Variants in RARB observed in about 807,000 individuals in gnomAD.
RARB encodes the protein retinoic acid receptor beta, also known as HBV-activated protein.
RARB carries 17 observed loss-of-function variants against 51.9 expected under a neutral mutation model. The observed-to-expected ratio is 0.33, with a 90% CI of 0.22 to 0.49. RARB has a LOEUF of 0.49. Among genes scored for constraint, RARB ranks in the 20% least tolerant of loss-of-function variants. The pLI is 0.99. For missense variants in RARB, 369 were observed against 550.8 expected, an observed-to-expected ratio of 0.67 and a Z score of 3.30; for synonymous variants, 215 against 195.4, an observed-to-expected ratio of 1.10 and a Z score of -0.84.
At chr3:25,304,630 G>T (rs529066668) in intron 5 of RARB, among the ~76,000 whole-genome samples, 1 of 152,004 alleles carries the variant, frequency 6.6e-6, no homozygotes, top group Non-Finnish European at 1.5e-5. Flanking sequence ...TCTAACCACT[G>T]ATTCCGACTT....
At chr3:25,496,172 C>T (rs1194377876) in intron 2 of RARB, among the ~76,000 whole-genome samples, 1 of 152,234 alleles carries the variant, frequency 6.6e-6, no homozygotes, top group Non-Finnish European at 1.5e-5. Context: ...TTACAATTGA[C>T]TAACAGTTGT....
chr3:25,352,197 C>G (rs1705594239), intron 5 of RARB: 2 of 152,100 alleles, frequency 1.3e-5, no homozygotes, highest in Admixed American at 6.6e-5. Context: ...CCTTTTTCAT[C>G]ACCCCAGCCT....
chr3:25,200,216 T>G (rs888325650), intron 5 of RARB, among the ~76,000 whole-genome samples: 40 of 152,240 alleles, frequency 2.6e-4, no homozygotes, highest in Admixed American at 2.0e-3. Flanking sequence ...GCATTGTTTC[T>G]TGTGTCTTTT....
At chr3:25,420,636 T>C (rs1028902640) in intron 5 of RARB, among the ~76,000 whole-genome samples, 3 of 152,184 alleles carry the variant, frequency 2.0e-5, no homozygotes, top group African/African-American at 7.2e-5. Flanking sequence ...CACTGCCTTA[T>C]ATATTGTCTG....
intron 1 of RARB, among the ~76,000 whole-genome samples, chr3:25,432,124 C>T (rs1708234320): frequency 6.6e-6 from 1 of 152,066 alleles, no homozygotes; most frequent in South Asian, 2.1e-4. Context: ...AGGGACTTTT[C>T]CTTAAATCGC....
At chr3:24,950,720 A>AT (rs1324488347) in intron 2 of RARB, among the ~76,000 whole-genome samples, 2 of 125,532 alleles carry the variant, frequency 1.6e-5, no homozygotes, top group Admixed American at 1.4e-4. Flanking sequence ...AAGGAAAAAA[A>AT]AAAAAAAGGT....
rs779303643 is a variant in RARB, at chr3:25,461,311, C to T, written c.276C>T (p.His92=). The change falls in exon 2 of 8, where the codon CAC becomes CAT. Residue 92 remains histidine, a synonymous_variant. Transcript: ENST00000330688. ...FVCQDKSSGY[H]YGVSACEGCK... ...GCCAGGACAAATCATCAGGGTACCA[C>T]TATGGGGTCAGCGCCTGTGAGGGAT... is the stretch of plus-strand genomic sequence containing the variant. The T allele has an allele frequency of 6.2e-7, 1 of 1,614,034 alleles. No homozygotes were observed. The highest frequency in any genetic ancestry group is 1.1e-5 in the South Asian group (1 of 91,078).
chr3:25,043,781 A>G (rs1007927471), intron 2 of RARB, among the ~76,000 whole-genome samples: 4 of 152,182 alleles, frequency 2.6e-5, no homozygotes, highest in African/African-American at 9.6e-5. Context: ...CCGATAGTTC[A>G]GAAAAGGATA....
chr3:25,115,684 T>C (rs1263439304), intron 3 of RARB, among the ~76,000 whole-genome samples: 1 of 151,644 alleles, frequency 6.6e-6, no homozygotes, highest in Non-Finnish European at 1.5e-5. Flanking sequence ...CTCTTTCCTT[T>C]CAAGTCTCAC....
rs548468643 is a variant in RARB, at chr3:24,831,516, A to G, written c.-459+2113A>G. Among the ~76,000 whole-genome samples, 15 of 152,336 alleles carry G rather than the reference A, an allele frequency of 9.8e-5. No homozygotes were observed. The East Asian group carries it at 2.9e-3, about 29-fold the overall frequency. On this transcript the variant is annotated intron_variant, in intron 1 of 11. Transcript: ENST00000383772. Reference sequence around the variant, plus strand: ...GACAACAGAAAGCGTGAAACAAAATAACCTCATTTGCTGTTTATTATCTGT... The same window carrying G: ...GACAACAGAAAGCGTGAAACAAAATGACCTCATTTGCTGTTTATTATCTGT...
chr3:25,416,099 A>G (rs539943802), intron 5 of RARB, among the ~76,000 whole-genome samples: 32 of 152,250 alleles, frequency 2.1e-4, no homozygotes, highest in Non-Finnish European at 4.7e-4. Context: ...GCATGCCAAT[A>G]TCTAAGCAAA....
At chr3:25,353,699 A>G (rs973511715) in intron 5 of RARB, among the ~76,000 whole-genome samples, 2 of 152,010 alleles carry the variant, frequency 1.3e-5, no homozygotes, top group African/African-American at 2.4e-5. Context: ...TGATTGACAG[A>G]TACTTCCATA....
At chr3:25,411,997 T>C (rs1707574650) in intron 5 of RARB, among the ~76,000 whole-genome samples, 1 of 152,160 alleles carries the variant, frequency 6.6e-6, no homozygotes, top group Non-Finnish European at 1.5e-5. Context: ...AATCACCCAT[T>C]CTGATTTTAA....
At chr3:25,505,712 A>G (rs939153115) in intron 3 of RARB, among the ~76,000 whole-genome samples, 2 of 152,176 alleles carry the variant, frequency 1.3e-5, no homozygotes, top group Non-Finnish European at 2.9e-5. Context: ...AAGAGGTGGT[A>G]CAATAGTTTA....
At chr3:25,562,418 G>A (rs1176527247) in intron 3 of RARB, among the ~76,000 whole-genome samples, 2 of 152,080 alleles carry the variant, frequency 1.3e-5, no homozygotes, top group Non-Finnish European at 2.9e-5. Flanking sequence ...TTCATATTGG[G>A]TAGCTCTGTC....
upstream of RARB, among the ~76,000 whole-genome samples, chr3:25,427,138 G>A (rs1024062147): frequency 2.0e-5 from 3 of 152,174 alleles, no homozygotes; most frequent in Non-Finnish European, 4.4e-5. Flanking sequence ...AAGGATGTGG[G>A]AACAGGCAAG....
chr3:25,425,344 CAG>C (rs1393207861), upstream of RARB, among the ~76,000 whole-genome samples: 4 of 152,020 alleles, frequency 2.6e-5, no homozygotes, highest in African/African-American at 7.2e-5. Context: ...AATTTGGAGA[CAG>C]AATCAAGTTT....
chr3:25,164,406 GTGCAGTGACCTGACATTCTGTGGCAAC>G lies in RARB; in HGVS notation c.-279-9711_-279-9685del, dbSNP rs574304740. 4.7e-3 allele frequency among the ~76,000 whole-genome samples: 720 copies of G among 152,318 alleles called. 10 individuals carry two copies. In the East Asian group the frequency reaches 0.051, roughly 11 times the overall value. ...CTGAGCAAGCATGGGCAACCCATGT[GTGCAGTGACCTGACATTCTGTGGCAAC>G]TCTGACAGTCCTGACCTACTATGGA... On this transcript the variant is annotated intron_variant, in intron 4 of 11. Transcript: ENST00000383772.
chr3:25,191,480 T>C (rs1193823448), intron 5 of RARB, among the ~76,000 whole-genome samples: 1 of 152,126 alleles, frequency 6.6e-6, no homozygotes, highest in African/African-American at 2.4e-5. Context: ...GTGATGCCTT[T>C]GACCAGGGAG....
Sources: gnomAD v4.1 joint callset for allele counts (sites outside exome capture counted in the v4.1 genomes callset) on GRCh38, gnomAD v4.1.1 for gene constraint, MANE v1.5 for transcripts, NCBI Gene and HGNC (gene_info 2026-07-23, HGNC 2026-07-21) for gene names.